The following COG5 variants were observed in gnomAD, a reference collection of about 807,000 sequenced individuals.
The protein encoded by COG5 is conserved oligomeric Golgi complex subunit 5.
In COG5, 86 loss-of-function variants were observed where a neutral mutation model predicts 110.4. The ratio of observed to expected loss-of-function variants is 0.78; its 90% CI spans 0.65 to 0.93. The LOEUF is 0.93. Among genes scored for constraint, COG5 ranks in the 40% least tolerant of loss-of-function variants. The pLI, the probability that COG5 is intolerant of heterozygous loss-of-function variation, is 0.00. For synonymous variants in COG5, 360 were observed against 334.6 expected, an observed-to-expected ratio of 1.08 and a Z score of -0.83; for missense variants, 1,077 against 987.0, an observed-to-expected ratio of 1.09 and a Z score of -1.22.
intron 5 of COG5, among the ~76,000 whole-genome samples, chr7:107,540,162 G>A (rs941573258): frequency 6.6e-6 from 1 of 152,188 alleles, no homozygotes; most frequent in African/African-American, 2.4e-5. Flanking sequence ...GTGCATGTGT[G>A]AGAGGAAGCA....
At chr7:107,282,290 T>G (rs1185647608) in intron 13 of COG5, among the ~76,000 whole-genome samples, 1 of 152,170 alleles carries the variant, frequency 6.6e-6, no homozygotes, top group Non-Finnish European at 1.5e-5. Context: ...ATTCTTCCAG[T>G]TGTAGATTAT....
intron 6 of COG5, chr7:107,475,141 A>G (rs752496124): frequency 5.6e-6 from 9 of 1,609,942 alleles, no homozygotes; most frequent in Non-Finnish European, 7.6e-6. Flanking sequence ...TGGAACAACT[A>G]TATTTCACCC....
At position 107,211,169 on chromosome 7, in the gene COG5, A is replaced by G. The variant is rs1356213508; in HGVS notation, c.2225T>C (p.Val742Ala). 4 of 1,613,968 alleles carry G rather than the reference A, an allele frequency of 2.5e-6. No homozygotes were observed. The African/African-American group carries it at 5.3e-5, about 22-fold the overall frequency. Reference sequence around the variant, plus strand: ...CTGAATAATGATGCTGAACGGAATCACATCCCCCAATGCAGGACTACTGGC... The same window carrying G: ...CTGAATAATGATGCTGAACGGAATCGCATCCCCCAATGCAGGACTACTGGC... ...HVASSPALGD[V>A]IPFSIIIQFL... is the part of the protein sequence containing the mutation. Residue 742 changes from valine to alanine, a missense_variant, in exon 20 of 22, where the codon GTG (valine) becomes GCG (alanine). By Grantham distance (64) the Val-to-Ala change is moderately conservative. Transcript: ENST00000297135.
chr7:107,552,760 C>T (rs1448514023), intron 3 of COG5, among the ~76,000 whole-genome samples: 1 of 152,176 alleles, frequency 6.6e-6, no homozygotes, highest in African/African-American at 2.4e-5. Flanking sequence ...AATCCTGTTA[C>T]TGGATATATA....
chr7:107,352,417 A>G (rs1252672661), intron 10 of COG5, among the ~76,000 whole-genome samples: 1 of 151,224 alleles, frequency 6.6e-6, no homozygotes, highest in Non-Finnish European at 1.5e-5. Flanking sequence ...TATGGAACAA[A>G]CCTGCACGTT....
intron 17 of COG5, among the ~76,000 whole-genome samples, chr7:107,246,194 C>T (rs1210438093): frequency 6.6e-6 from 1 of 152,176 alleles, no homozygotes; most frequent in Non-Finnish European, 1.5e-5. Context: ...CCCTTCCTTA[C>T]ACCATACACA....
At chr7:107,413,814 T>C (rs774250041) in intron 6 of COG5, among the ~76,000 whole-genome samples, 2 of 152,192 alleles carry the variant, frequency 1.3e-5, no homozygotes, top group Non-Finnish European at 2.9e-5. Context: ...AGACGCAAAG[T>C]GTGTATTACT....
At chr7:107,299,855 A>ATC (rs1807094950) in intron 11 of COG5, among the ~76,000 whole-genome samples, 2 of 136,736 alleles carry the variant, frequency 1.5e-5, no homozygotes, top group South Asian at 2.3e-4. Flanking sequence ...ATATATATAT[A>ATC]TATCTGGAAT....
At chr7:107,490,434 T>G (rs991038953) in intron 6 of COG5, among the ~76,000 whole-genome samples, 1 of 152,164 alleles carries the variant, frequency 6.6e-6, no homozygotes, top group Non-Finnish European at 1.5e-5. Flanking sequence ...TCTTTTTTTT[T>G]CCAAGAAAAG....
At chr7:107,421,558 AG>A (rs756519628) in intron 6 of COG5, among the ~76,000 whole-genome samples, 8 of 152,312 alleles carry the variant, frequency 5.3e-5, no homozygotes, top group Non-Finnish European at 1.0e-4. Flanking sequence ...TGGGAGGCCG[AG>A]GCAGGCTGAT....
chr7:107,289,351 A>T (rs1255313382), intron 12 of COG5, among the ~76,000 whole-genome samples: 3 of 152,088 alleles, frequency 2.0e-5, no homozygotes, highest in African/African-American at 7.2e-5. Flanking sequence ...CTATACTCTC[A>T]GTTTTATGTC....
chr7:107,554,395 G>A, intron 2 of COG5, 53 bp from the exon 3 acceptor site: 1 of 1,473,560 alleles, frequency 6.8e-7, no homozygotes. Context: ...ATTCTTCCTT[G>A]TAACCACAAT....
chr7:107,383,201 A>T (rs1403431065), intron 7 of COG5, among the ~76,000 whole-genome samples: 1 of 152,126 alleles, frequency 6.6e-6, no homozygotes, highest in African/African-American at 2.4e-5. Flanking sequence ...AGGAGGACTC[A>T]ATTACACAGT....
Position 107,527,284 on chromosome 7 carries a change from C to T in COG5, c.491G>A (p.Gly164Glu). Residue 164 changes from glycine to glutamate, a missense_variant, in exon 6 of 22, where the codon GGG (glycine) becomes GAG (glutamate). By Grantham distance (98) the Gly-to-Glu change is moderately conservative. Transcript: ENST00000297135. ...LSKRLQGQLQ[G>E]GSREITKAAQ... Reference sequence around the variant, plus strand: ...AGCTTTTGTTATCTCTCTACTTCCCCCTTGCAGTTGTCCTTGGAGTCTCTT... The same window carrying T: ...AGCTTTTGTTATCTCTCTACTTCCCTCTTGCAGTTGTCCTTGGAGTCTCTT... 5 of 1,611,526 alleles carry T rather than the reference C, an allele frequency of 3.1e-6. No individual in the cohort carries two copies. The highest frequency in any genetic ancestry group is 4.2e-6 in the Non-Finnish European group (5 of 1,178,756).
At chr7:107,544,761 A>G (rs1802295923) in intron 5 of COG5, among the ~76,000 whole-genome samples, 1 of 152,264 alleles carries the variant, frequency 6.6e-6, no homozygotes, top group Non-Finnish European at 1.5e-5. Flanking sequence ...TCAGGGAAAC[A>G]TAACACCACC....
At chr7:107,360,911 T>A (rs982015459) in intron 10 of COG5, among the ~76,000 whole-genome samples, 3 of 152,328 alleles carry the variant, frequency 2.0e-5, no homozygotes, top group Admixed American at 6.5e-5. Context: ...ATGAGCGATA[T>A]TCAGGCAGAA....
At chr7:107,442,593 T>A (rs138532913) in intron 6 of COG5, among the ~76,000 whole-genome samples, 1 of 149,276 alleles carries the variant, frequency 6.7e-6, no homozygotes, top group Non-Finnish European at 1.5e-5. Context: ...TCTGGCTACA[T>A]GTTACCTTCT....
At chr7:107,364,192 T>C (rs929529537) in intron 8 of COG5, among the ~76,000 whole-genome samples, 1 of 152,168 alleles carries the variant, frequency 6.6e-6, no homozygotes, top group Non-Finnish European at 1.5e-5. Context: ...CAATAGTATG[T>C]TTACCCTGAA....
chr7:107,435,928 T>C (rs1459325006), intron 6 of COG5, among the ~76,000 whole-genome samples: 1 of 152,146 alleles, frequency 6.6e-6, no homozygotes, highest in Admixed American at 6.5e-5. Flanking sequence ...AAAGAAAATG[T>C]GGTATACATA....
Sources: allele counts gnomAD v4.1 joint callset (sites outside exome capture counted in the v4.1 genomes callset), GRCh38; gene constraint gnomAD v4.1.1; transcripts MANE v1.5; gene names NCBI Gene and HGNC (gene_info 2026-07-23, HGNC 2026-07-21).